GALNT13: variants seen among roughly 807,000 people sequenced by gnomAD.
GALNT13 encodes the protein UDP-GalNAc:polypeptide N-acetylgalactosaminyltransferase 13.
GALNT13 carries 28 observed loss-of-function variants against 64.2 expected under a neutral mutation model. That is an observed-to-expected ratio of 0.44 (90% CI 0.32 to 0.60). The LOEUF is 0.60. Among genes scored for constraint, GALNT13 ranks in the 20% least tolerant of loss-of-function variants. GALNT13 has a pLI of 0.05. For missense variants in GALNT13, 577 were observed against 669.8 expected, an observed-to-expected ratio of 0.86 and a Z score of 1.53; for synonymous variants, 214 against 224.6, an observed-to-expected ratio of 0.95 and a Z score of 0.42.
At chr2:153,118,101 A>G in the GALNT13 span, among the ~76,000 whole-genome samples, 6 of 128,094 alleles carry the variant, frequency 4.7e-5, no homozygotes, top group Non-Finnish European at 8.2e-5. Flanking sequence ...TAATGTCACT[A>G]TGTACCAACA....
chr2:154,351,646 G>A (rs1205104729), intron 9 of GALNT13, among the ~76,000 whole-genome samples: 2 of 134,388 alleles, frequency 1.5e-5, no homozygotes, highest in African/African-American at 5.6e-5. Flanking sequence ...TGGCGCCACT[G>A]CAGTCCAGCC....
intron 2 of GALNT13, among the ~76,000 whole-genome samples, chr2:153,933,419 A>G (rs1336078965): frequency 6.6e-6 from 1 of 152,116 alleles, no homozygotes; most frequent in African/African-American, 2.4e-5. Context: ...TGCTTGGTAG[A>G]TTATTGTCCA....
chr2:154,095,395 G>A (rs887232395), intron 3 of GALNT13, among the ~76,000 whole-genome samples: 6 of 151,704 alleles, frequency 4.0e-5, no homozygotes, highest in African/African-American at 1.5e-4. Flanking sequence ...AAATGTTTGT[G>A]ATAACTGTAG....
intron 4 of GALNT13, among the ~76,000 whole-genome samples, chr2:154,217,427 A>T (rs930771224): frequency 2.0e-5 from 3 of 152,158 alleles, no homozygotes; most frequent in Non-Finnish European, 2.9e-5. Flanking sequence ...AGTGGAAAGA[A>T]AGGTTATCAA....
At chr2:153,686,760 T>C in the GALNT13 span, among the ~76,000 whole-genome samples, 2 of 152,098 alleles carry the variant, frequency 1.3e-5, no homozygotes, top group Non-Finnish European at 2.9e-5. Context: ...CCATTCAGTA[T>C]GATGTTAGCT....
intron 3 of GALNT13, among the ~76,000 whole-genome samples, chr2:154,043,442 A>ATT (rs1699107529): frequency 8.1e-6 from 1 of 123,446 alleles, no homozygotes; most frequent in Non-Finnish European, 1.7e-5. Context: ...ATATATATAT[A>ATT]TATATATATA....
the GALNT13 span, among the ~76,000 whole-genome samples, chr2:153,277,912 T>TC: frequency 1.8e-5 from 2 of 112,076 alleles, no homozygotes; most frequent in Non-Finnish European, 3.7e-5. Flanking sequence ...TTTTTTCTTT[T>TC]GTTTTCTTTT....
the GALNT13 span, among the ~76,000 whole-genome samples, chr2:153,600,010 T>C: frequency 6.6e-6 from 1 of 151,962 alleles, no homozygotes; most frequent in Non-Finnish European, 1.5e-5. Context: ...TCTTTCCTCA[T>C]CTTCACTCTA....
At chr2:153,429,597 A>G in the GALNT13 span, among the ~76,000 whole-genome samples, 5 of 152,178 alleles carry the variant, frequency 3.3e-5, no homozygotes, top group East Asian at 7.7e-4. Context: ...AATCTCAAAC[A>G]TCTTCCGAGA....
At chr2:154,189,633 G>A (rs1030853951) in intron 4 of GALNT13, among the ~76,000 whole-genome samples, 4 of 151,794 alleles carry the variant, frequency 2.6e-5, no homozygotes, top group Non-Finnish European at 5.9e-5. Flanking sequence ...TTTTATTATG[G>A]CAGTTGAAGC....
At chr2:153,306,067 A>G in the GALNT13 span, among the ~76,000 whole-genome samples, 1 of 152,214 alleles carries the variant, frequency 6.6e-6, no homozygotes, top group African/African-American at 2.4e-5. Context: ...AAACCTCAGC[A>G]TTGTAAACAG....
At chr2:153,471,656 C>T in the GALNT13 span, among the ~76,000 whole-genome samples, 1 of 152,124 alleles carries the variant, frequency 6.6e-6, no homozygotes, top group Non-Finnish European at 1.5e-5. Context: ...CAGCTCATTT[C>T]TCTTAACTTA....
chr2:154,209,626 A>C (rs1251264618), intron 4 of GALNT13, among the ~76,000 whole-genome samples: 6 of 152,126 alleles, frequency 3.9e-5, no homozygotes, highest in African/African-American at 1.2e-4. Context: ...TTTTTTCATT[A>C]AAAGTTTTAG....
chr2:153,881,975 T>C (rs1395765888), intron 1 of GALNT13, among the ~76,000 whole-genome samples: 1 of 152,176 alleles, frequency 6.6e-6, no homozygotes, highest in African/African-American at 2.4e-5. Flanking sequence ...CTTGGGTTTT[T>C]TTCATTTAGA....
the GALNT13 span, among the ~76,000 whole-genome samples, chr2:153,681,996 T>C: frequency 6.6e-6 from 1 of 151,852 alleles, no homozygotes. Flanking sequence ...GTGTGAATCT[T>C]TCTATTGAGT....
At chr2:153,237,846 A>G in the GALNT13 span, among the ~76,000 whole-genome samples, 1 of 152,160 alleles carries the variant, frequency 6.6e-6, no homozygotes, top group South Asian at 2.1e-4. Context: ...GGGTATATAT[A>G]CCTAGCATTG....
At chr2:153,449,438 G>A in the GALNT13 span, among the ~76,000 whole-genome samples, 1 of 152,072 alleles carries the variant, frequency 6.6e-6, no homozygotes, top group African/African-American at 2.4e-5. Context: ...TGACCAAGAT[G>A]TTTTTTCCCC....
At chr2:153,642,384 A>G in the GALNT13 span, among the ~76,000 whole-genome samples, 1 of 151,898 alleles carries the variant, frequency 6.6e-6, no homozygotes, top group East Asian at 1.9e-4. Flanking sequence ...ATATAAGAAC[A>G]TGGAAAAATC....
the GALNT13 span, among the ~76,000 whole-genome samples, chr2:153,569,208 T>C: frequency 6.6e-6 from 1 of 152,182 alleles, no homozygotes; most frequent in Non-Finnish European, 1.5e-5. Flanking sequence ...TTATTCTATA[T>C]TCTTGTCAAT....
Sources: allele counts gnomAD v4.1 joint callset (sites outside exome capture counted in the v4.1 genomes callset), GRCh38; gene constraint gnomAD v4.1.1; transcripts MANE v1.5; gene names NCBI Gene and HGNC (gene_info 2026-07-23, HGNC 2026-07-21).